Variants in PRRX1 observed in about 807,000 individuals in gnomAD.
PRRX1 encodes paired related homeobox 1.
In PRRX1, 8 loss-of-function variants were observed where a neutral mutation model predicts 24.0. The ratio of observed to expected loss-of-function variants is 0.33; its 90% CI spans 0.20 to 0.60. The LOEUF is 0.60. PRRX1 is among the 20% of genes least tolerant of loss of function. The pLI is 0.82. For synonymous variants in PRRX1, 160 were observed against 131.7 expected (o/e 1.22, Z -1.47); for missense variants, 281 against 322.4 (o/e 0.87, Z 0.98).
intron 2 of PRRX1, among the ~76,000 whole-genome samples, chr1:170,723,322 C>T (rs1025335405): frequency 1.7e-4 from 26 of 152,196 alleles, no homozygotes; most frequent in African/African-American, 6.3e-4. Flanking sequence ...CTGCTCACTC[C>T]ACAAAAAGAA....
chr1:170,669,800 C>A (rs2101884023), intron 1 of PRRX1, among the ~76,000 whole-genome samples: 1 of 152,300 alleles, frequency 6.6e-6, no homozygotes, highest in Admixed American at 6.5e-5. Context: ...CAAGGCCGAG[C>A]TCACTTTCAA....
At chr1:170,732,655 A>G (rs957343463) in intron 3 of PRRX1, among the ~76,000 whole-genome samples, 16 of 152,214 alleles carry the variant, frequency 1.1e-4, no homozygotes, top group Non-Finnish European at 1.9e-4. Flanking sequence ...GTAGGATTAC[A>G]TATTCTAAAC....
chr1:170,693,618 T>G (rs1034942186), intron 1 of PRRX1, among the ~76,000 whole-genome samples: 1 of 152,150 alleles, frequency 6.6e-6, no homozygotes, highest in Non-Finnish European at 1.5e-5. Context: ...AGATAAAACT[T>G]ACTCAGCTAG....
chr1:170,734,353 A>G (rs553450570), intron 3 of PRRX1, among the ~76,000 whole-genome samples: 3 of 152,134 alleles, frequency 2.0e-5, no homozygotes, highest in South Asian at 2.1e-4. Flanking sequence ...CATTGAACAC[A>G]TGGTACTAGA....
At chr1:170,664,791 C>G (rs1376677216) in intron 1 of PRRX1, among the ~76,000 whole-genome samples, 1 of 152,186 alleles carries the variant, frequency 6.6e-6, no homozygotes, top group Non-Finnish European at 1.5e-5. Context: ...CGCGGGGCGG[C>G]GGGGCTGGGC....
chr1:170,728,480 G>C (rs978175344), intron 3 of PRRX1: 2 of 152,072 alleles, frequency 1.3e-5, no homozygotes, highest in African/African-American at 2.4e-5. Context: ...TGTAGCTTTA[G>C]TGTATATATT....
chr1:170,698,335 A>G (rs1654241188), intron 1 of PRRX1, among the ~76,000 whole-genome samples: 1 of 152,232 alleles, frequency 6.6e-6, no homozygotes, highest in Admixed American at 6.5e-5. Context: ...ATTTCTTATC[A>G]TTATATAACC....
chr1:170,707,116 C>T (rs891368984), intron 1 of PRRX1, among the ~76,000 whole-genome samples: 2 of 151,450 alleles, frequency 1.3e-5, no homozygotes, highest in African/African-American at 4.9e-5. Context: ...AGAGTGAGAC[C>T]CTGTCCTTAA....
intron 2 of PRRX1, among the ~76,000 whole-genome samples, chr1:170,720,742 C>T (rs1490894592): frequency 6.6e-6 from 1 of 152,168 alleles, no homozygotes; most frequent in Non-Finnish European, 1.5e-5. Context: ...TATTTTCCTT[C>T]AGTGTCTCTG....
Position 170,738,838 on chromosome 1 carries a change from G to GT in PRRX1, c.*2656dup. On this transcript the variant is annotated 3_prime_UTR_variant, in exon 4 of 4. Coordinates refer to ENST00000239461, the MANE Select transcript of PRRX1 (RefSeq NM_022716.4). Reference sequence around the variant, plus strand: ...CCCAAATGATAGGTGAAGTTGGGTGGTTTTATCCAATGTCTCAAGCAAGCA... The same window carrying GT: ...CCCAAATGATAGGTGAAGTTGGGTGGTTTTTATCCAATGTCTCAAGCAAGCA... The GT allele has an allele frequency of 4.4e-6, 1 of 229,238 alleles. No individual in the cohort carries two copies. Among genetic ancestry groups the GT allele is most frequent in the Non-Finnish European group, 8.7e-6 (1 of 115,570 alleles). 14.2% of individuals were successfully genotyped at this position (229,238 alleles called of 1,614,324 possible).
At chr1:170,698,828 A>G (rs1654257993) in intron 1 of PRRX1, among the ~76,000 whole-genome samples, 1 of 152,070 alleles carries the variant, frequency 6.6e-6, no homozygotes, top group Non-Finnish European at 1.5e-5. Flanking sequence ...TGGAGATAGG[A>G]GAGTCAGTCC....
intron 1 of PRRX1, among the ~76,000 whole-genome samples, chr1:170,684,282 C>G (rs964370940): frequency 6.6e-6 from 1 of 152,160 alleles, no homozygotes; most frequent in African/African-American, 2.4e-5. Flanking sequence ...CCTCTCTTTT[C>G]CAAGACAGAC....
chr1:170,724,763 G>C (rs1052678908), intron 2 of PRRX1, among the ~76,000 whole-genome samples: 1 of 152,152 alleles, frequency 6.6e-6, no homozygotes, highest in Admixed American at 6.5e-5. Context: ...TTGGCCATAC[G>C]GGCTCTTTTT....
intron 3 of PRRX1, among the ~76,000 whole-genome samples, chr1:170,734,684 CCCATA>C (rs1286226727): frequency 2.0e-5 from 3 of 152,042 alleles, no homozygotes; most frequent in Non-Finnish European, 4.4e-5. Context: ...CACACAGTCA[CCCATA>C]CACTTAACCA....
upstream of PRRX1, chr1:170,663,243 A>G (rs56250774): frequency 0.13 from 19,652 of 152,220 alleles, 1,828 homozygotes; most frequent in Non-Finnish European, 0.19. Flanking sequence ...CAGGCACAGC[A>G]CAAAGGCTTT....
At chr1:170,728,337 T>G (rs1203042526) in intron 3 of PRRX1, 1 of 152,242 alleles carries the variant, frequency 6.6e-6, no homozygotes, top group East Asian at 1.9e-4. Context: ...CGTGCCTTTT[T>G]TGGAAATATT....
chr1:170,726,151 C>A, intron 2 of PRRX1, 69 bp from the exon 3 acceptor site: 3 of 1,446,978 alleles, frequency 2.1e-6, no homozygotes, highest in Admixed American at 3.6e-5. Context: ...GAATTTCATT[C>A]ATGTAACCCC....
At chr1:170,692,446 T>C (rs1654020553) in intron 1 of PRRX1, among the ~76,000 whole-genome samples, 1 of 152,134 alleles carries the variant, frequency 6.6e-6, no homozygotes, top group Non-Finnish European at 1.5e-5. Flanking sequence ...TGTAGCTAAC[T>C]TTCTAGAATG....
intron 1 of PRRX1, among the ~76,000 whole-genome samples, chr1:170,705,162 C>T (rs1654517369): frequency 6.6e-6 from 1 of 152,198 alleles, no homozygotes; most frequent in Non-Finnish European, 1.5e-5. Flanking sequence ...TCCATGTCTG[C>T]ATTACGTAGC....
Sources: gnomAD v4.1 joint callset for allele counts (sites outside exome capture counted in the v4.1 genomes callset) on GRCh38, gnomAD v4.1.1 for gene constraint, MANE v1.5 for transcripts, NCBI Gene and HGNC (gene_info 2026-07-23, HGNC 2026-07-21) for gene names.